Variants in UBTF observed in about 807,000 individuals in gnomAD.
The protein encoded by UBTF is upstream binding transcription factor, also known as nucleolar transcription factor 1.
Under a neutral mutation model 112.3 loss-of-function variants are expected in UBTF, and 8 were observed. The ratio of observed to expected loss-of-function variants is 0.07; its 90% confidence interval spans 0.04 to 0.13. The LOEUF (loss-of-function observed/expected upper bound fraction) is 0.13. Ranked by LOEUF, UBTF falls within the 10% of genes least tolerant of loss-of-function variation. UBTF has a pLI of 1.00. For synonymous variants in UBTF, 417 were observed against 373.1 expected (o/e 1.12, Z -1.36); for missense variants, 457 against 982.1 (o/e 0.47, Z 7.15).
Position 44,210,459 on chromosome 17 carries a change from G to A in UBTF, c.1374C>T (p.Ala458=), listed in dbSNP as rs1376468985. Residue 458 remains alanine, a synonymous_variant, in exon 14 of 21, where the codon GCC becomes GCT. Transcript: ENST00000436088. ...LSEKKKAKYK[A]REAALKAQSE... ...ACTGAGCCTTGAGCGCCGCCTCTCG[G>A]GCCTTGTACTTGGCCTGCGGGGATG... The A allele has an allele frequency of 1.1e-5, 17 of 1,610,238 alleles. No individual in the cohort carries two copies. The highest frequency in any genetic ancestry group is 1.4e-5 in the Non-Finnish European group (17 of 1,179,356).
chr17:44,216,710 A>C lies in UBTF; in HGVS notation c.59-6T>G. On this transcript the variant is annotated splice_region_variant and splice_polypyrimidine_tract_variant and intron_variant, in intron 2 of 20. Transcript: ENST00000436088. ...GTCTTCCTGGGACCAACGGTCTGGT[A>C]AAGAGTAACAGAGGCCATCATGCCT... 6.2e-7 allele frequency: 1 copy of C among 1,614,008 alleles called. No homozygotes were observed. The highest frequency in any genetic ancestry group is 8.5e-7 in the Non-Finnish European group (1 of 1,179,928).
upstream of UBTF, among the ~76,000 whole-genome samples, chr17:44,220,124 G>A (rs1386731799): frequency 2.0e-5 from 3 of 147,140 alleles, no homozygotes; most frequent in African/African-American, 7.4e-5. Flanking sequence ...GCAGCCGCCC[G>A]GATGGCGGCG....
chr17:44,207,672 C>T (rs750226273), intron 19 of UBTF, 27 bp downstream of exon 19: 1 of 1,614,222 alleles, frequency 6.2e-7, no homozygotes, highest in South Asian at 1.1e-5. Flanking sequence ...CCGCCCCACG[C>T]CCCTGCATCT....
upstream of UBTF, among the ~76,000 whole-genome samples, chr17:44,220,039 T>TGGCGGC (rs1161361017): frequency 9.1e-6 from 1 of 109,372 alleles, no homozygotes; most frequent in Non-Finnish European, 1.8e-5. Context: ...GTGGTGGTGC[T>TGGCGGC]GGCGGCGGCG....
rs936131236 is a variant in UBTF, at chr17:44,210,558, G to T, written c.1360-85C>A. 2.1e-6 allele frequency: 3 copies of T among 1,454,148 alleles called. No individual in the cohort carries two copies. The African/African-American group carries it at 4.3e-5, about 21-fold the overall frequency. 90.1% of individuals were successfully genotyped at this position (1,454,148 alleles called of 1,614,324 possible). A position where few individuals can be genotyped will look rare whatever the true frequency, so the allele number is the denominator to read the frequency against. On this transcript the variant is annotated intron_variant, in intron 13 of 20. Coordinates refer to ENST00000436088, the MANE Select transcript of UBTF (RefSeq NM_014233.4). ...CGCAGCAGCCCAGGCGCTCCCGCCGGCGGGCAGAAGCATGGGCTGGTGCAG... is the reference window on the plus strand; with the variant it reads ...CGCAGCAGCCCAGGCGCTCCCGCCGTCGGGCAGAAGCATGGGCTGGTGCAG...
chr17:44,216,396 A>G, intron 3 of UBTF, 133 bp downstream of exon 3: 1 of 1,042,028 alleles, frequency 9.6e-7, no homozygotes, highest in South Asian at 1.5e-5. Context: ...GCAAAGGGGC[A>G]GGTAGAGAGC....
Position 44,216,611 on chromosome 17 carries a change from G to A in UBTF, c.152C>T (p.Ser51Leu). 1 of 1,613,988 alleles carries A rather than the reference G, an allele frequency of 6.2e-7. No individual in the cohort carries two copies. Among genetic ancestry groups the A allele is most frequent in the African/African-American group, 1.3e-5 (1 of 74,964 alleles). Residue 51 changes from serine to leucine, a missense_variant, in exon 3 of 21, where the codon TCA (serine) becomes TTA (leucine). Ser to Leu is a moderately radical substitution (Grantham distance 145). Around this residue, in one of 7 missense-constraint regions of UBTF, gnomAD observed 26 missense variants for 132.9 expected, o/e 0.20. Coordinates refer to ENST00000436088, the MANE Select transcript of UBTF (RefSeq NM_014233.4). The part of the protein sequence containing the change: ...NDSSKFKTTE[S>L]HMDWEKVAFK... ...TGCTACTTTTTCCCAGTCCATGTGTGATTCGGTGGTTTTGAACTTGGAGCT... is the reference window on the plus strand; with the variant it reads ...TGCTACTTTTTCCCAGTCCATGTGTAATTCGGTGGTTTTGAACTTGGAGCT...
intron 12 of UBTF, 32 bp from the exon 13 acceptor site, chr17:44,210,979 G>A: frequency 1.2e-6 from 2 of 1,600,762 alleles, no homozygotes; most frequent in Non-Finnish European, 1.7e-6. Flanking sequence ...GGGTCCGTGG[G>A]TGCTGCCAGG....
At position 44,206,966 on chromosome 17, in the gene UBTF, G is replaced by A; in HGVS notation, c.*276C>T. 2 of 525,686 alleles carry A rather than the reference G, an allele frequency of 3.8e-6. No individual in the cohort carries two copies. The highest frequency in any genetic ancestry group is 3.3e-6 in the Non-Finnish European group (1 of 299,384). The allele number at this position is 525,686 out of a possible 1,614,324, so 32.6% of individuals were successfully genotyped here. A position where few individuals can be genotyped will look rare whatever the true frequency, so the allele number is the denominator to read the frequency against. ...GCCGGAACCGCAAGTGCAGAAGTGG[G>A]TGGGGTGGGCCAGGCTGGTCCGGTG... On this transcript the variant is annotated 3_prime_UTR_variant, in exon 21 of 21. Coordinates refer to ENST00000436088, the MANE Select transcript of UBTF (RefSeq NM_014233.4).
At position 44,212,021 on chromosome 17, in the gene UBTF, G is replaced by T. The variant is rs200750648; in HGVS notation, c.772-15C>A. ...CTCATGATCTCCTGCAGAGCCAGGT[G>T]GGGGGACGGAGGGCAATGGGGTGTG... On this transcript the variant is annotated splice_polypyrimidine_tract_variant and intron_variant, in intron 8 of 20. Coordinates refer to ENST00000436088, the MANE Select transcript of UBTF (RefSeq NM_014233.4). 3.2e-5 allele frequency: 52 copies of T among 1,611,520 alleles called. No individual in the cohort carries two copies. Among genetic ancestry groups the T allele is most frequent in the Non-Finnish European group, 4.2e-5 (50 of 1,178,900 alleles).
chr17:44,207,808 C>G, intron 18 of UBTF, 38 bp from the exon 19 acceptor site: 1 of 1,614,112 alleles, frequency 6.2e-7, no homozygotes, highest in Non-Finnish European at 8.5e-7. Flanking sequence ...GCCATGAGTT[C>G]GACACCCCTG....
chr17:44,209,152 G>A (rs1387306861), intron 17 of UBTF, 200 bp downstream of exon 17: 5 of 519,050 alleles, frequency 9.6e-6, no homozygotes, highest in Non-Finnish European at 1.6e-5. Context: ...CTGGGCAGGA[G>A]AGCAAGACTG....
intron 5 of UBTF, 23 bp from the exon 6 acceptor site, chr17:44,213,305 T>C: frequency 6.2e-7 from 1 of 1,610,144 alleles, no homozygotes; most frequent in Non-Finnish European, 8.5e-7. Context: ...GGGGATGGGG[T>C]CACTCAGGAC....
In UBTF at chr17:44,207,098, G is replaced by T; in HGVS notation, c.*144C>A. ...GCTCCTCCAGCCCCCTACCCCCACC[G>T]TATTTTTTTTTTTTTTTAAAGAAAG... On this transcript the variant is annotated 3_prime_UTR_variant, in exon 21 of 21. Coordinates refer to ENST00000436088, the MANE Select transcript of UBTF (RefSeq NM_014233.4). The T allele has an allele frequency of 1.2e-6, 1 of 858,922 alleles. No individual in the cohort carries two copies. Among genetic ancestry groups the T allele is most frequent in the Non-Finnish European group, 1.8e-6 (1 of 569,978 alleles). 53.2% of individuals were successfully genotyped at this position (858,922 alleles called of 1,614,324 possible). A position where few individuals can be genotyped will look rare whatever the true frequency, so the allele number is the denominator to read the frequency against.
chr17:44,213,887 G>A (rs1173983416), intron 5 of UBTF, among the ~76,000 whole-genome samples: 1 of 152,148 alleles, frequency 6.6e-6, no homozygotes, highest in Non-Finnish European at 1.5e-5. Context: ...TCTTTCTCCA[G>A]GATCCTGGCT....
rs1218139296 is a variant in UBTF, at chr17:44,206,434, ACACT to A, written c.*804_*807del. On this transcript the variant is annotated 3_prime_UTR_variant, in exon 21 of 21. Coordinates refer to ENST00000436088, the MANE Select transcript of UBTF (RefSeq NM_014233.4). ...CCTTTACACACACACACACACACTC[ACACT>A]CTTTTGCACACATCCACAGCTGCAC... 11 of 151,492 alleles carry A rather than the reference ACACT, an allele frequency of 7.3e-5. No homozygotes were observed. Among genetic ancestry groups the A allele is most frequent in the Non-Finnish European group, 1.3e-4 (9 of 67,926 alleles). The allele number at this position is 151,492 out of a possible 1,614,324, so 9.4% of individuals were successfully genotyped here.
At chr17:44,209,157 A>G in intron 17 of UBTF, 195 bp downstream of exon 17, 1 of 533,980 alleles carries the variant, frequency 1.9e-6, no homozygotes, top group Non-Finnish European at 3.1e-6. Context: ...CAGGAGAGCA[A>G]GACTGTCTCA....
chr17:44,207,122 A>T lies in UBTF; in HGVS notation c.*120T>A. On this transcript the variant is annotated 3_prime_UTR_variant, in exon 21 of 21. Transcript: ENST00000436088. ...CGTATTTTTTTTTTTTTTTAAAGAAAGAAAGAAAGTGGGGGAGGCCAGGGG... is the reference window on the plus strand; with the variant it reads ...CGTATTTTTTTTTTTTTTTAAAGAATGAAAGAAAGTGGGGGAGGCCAGGGG... The T allele has an allele frequency of 1.8e-6, 2 of 1,095,674 alleles. No individual in the cohort carries two copies. Among genetic ancestry groups the T allele is most frequent in the Non-Finnish European group, 2.6e-6 (2 of 777,204 alleles). 67.9% of individuals were successfully genotyped at this position (1,095,674 alleles called of 1,614,324 possible). A position where few individuals can be genotyped will look rare whatever the true frequency, so the allele number is the denominator to read the frequency against.
intron 5 of UBTF, 136 bp from the exon 6 acceptor site, chr17:44,213,418 C>T (rs769929796): frequency 1.0e-3 from 989 of 963,074 alleles, no homozygotes; most frequent in Non-Finnish European, 1.3e-3. Flanking sequence ...TGGCGCCCTG[C>T]CCGCCTCCTG....
Sources: gnomAD v4.1 joint callset for allele counts (sites outside exome capture counted in the v4.1 genomes callset) on GRCh38, gnomAD v4.1.1 for gene constraint, gnomAD v4.1.1 regional missense constraint, MANE v1.5 for transcripts, NCBI Gene and HGNC (gene_info 2026-07-23, HGNC 2026-07-21) for gene names.